Variants in ARHGEF15 observed in about 807,000 individuals in gnomAD.
The protein encoded by ARHGEF15 is Rho guanine nucleotide exchange factor 15, also known as Rho guanine nucleotide exchange factor (GEF) 15.
ARHGEF15 carries 58 observed loss-of-function variants against 79.7 expected under a neutral mutation model. The ratio of observed to expected loss-of-function variants is 0.73; its 90% CI spans 0.59 to 0.91. The LOEUF (loss-of-function observed/expected upper bound fraction) is 0.91. ARHGEF15 is among the 40% of genes least tolerant of loss of function. ARHGEF15 has a pLI of 0.00. For synonymous variants in ARHGEF15, 442 were observed against 456.0 expected (o/e 0.97, Z 0.39); for missense variants, 1,012 against 1,108.1 (o/e 0.91, Z 1.23).
Position 8,313,207 on chromosome 17 carries a change from C to T in ARHGEF15, c.887C>T (p.Pro296Leu), listed in dbSNP as rs1436984970. 27 of 1,607,240 alleles carry T rather than the reference C, an allele frequency of 1.7e-5. No individual in the cohort carries two copies. The highest frequency in any genetic ancestry group is 1.3e-4 in the African/African-American group (10 of 74,934). Residue 296 changes from proline to leucine, a missense_variant, in exon 3 of 16, where the codon CCC becomes CTC. By Grantham distance (98) the Pro-to-Leu change is moderately conservative (BLOSUM62 -3). Transcript: ENST00000361926. ...CAGGATGCCACCATTTTCGGGGACCCCCCACAGCCAGATCTTGATCTGCTT... is the reference window on the plus strand; with the variant it reads ...CAGGATGCCACCATTTTCGGGGACCTCCCACAGCCAGATCTTGATCTGCTT... ...VRQDATIFGD[P>L]PQPDLDLLSE...
Position 8,318,649 on chromosome 17 carries a change from T to G in ARHGEF15, c.1859T>G (p.Phe620Cys). ...ATCCGGCTCACCCAAAGGCTGCGCTTCCACAAAGTCAAGGTACATCGCTGC... is the reference window on the plus strand; with the variant it reads ...ATCCGGCTCACCCAAAGGCTGCGCTGCCACAAAGTCAAGGTACATCGCTGC... ...ELIRLTQRLRFHKVKALPLVS... is the reference protein window; with the variant it reads ...ELIRLTQRLRCHKVKALPLVS... The change falls in exon 11 of 16, where the codon TTC (phenylalanine) becomes TGC (cysteine). Residue 620 changes from phenylalanine to cysteine, a missense_variant. Phe to Cys is a radical substitution (Grantham distance 205). This residue lies in a region of ARHGEF15 where 818 missense variants were observed against 882.5 expected (regional missense o/e 0.93). Transcript: ENST00000361926. This position sits in a 1 kb window ranked among gnomAD's most constrained non-coding sequence, Gnocchi z 5.0. The G allele has an allele frequency of 6.2e-7, 1 of 1,613,376 alleles. No homozygotes were observed. The highest frequency in any genetic ancestry group is 8.5e-7 in the Non-Finnish European group (1 of 1,179,472).
intron 1 of ARHGEF15, among the ~76,000 whole-genome samples, chr17:8,311,653 A>C (rs1904624334): frequency 6.6e-6 from 1 of 151,362 alleles, no homozygotes. Flanking sequence ...GCTATCTCAG[A>C]CACTCACACC....
Position 8,321,079 on chromosome 17 carries a change from T to G in ARHGEF15, c.*86T>G, listed in dbSNP as rs1905360020. 2 of 1,557,026 alleles carry G rather than the reference T, an allele frequency of 1.3e-6. No homozygotes were observed. Among genetic ancestry groups the G allele is most frequent in the Admixed American group, 3.5e-5 (2 of 57,954 alleles). Reference sequence around the variant, plus strand: ...AAGCCCATTCATCCATTGGATTCACTGTCAGTGGAGATACTACCTCTCGTG... The same window carrying G: ...AAGCCCATTCATCCATTGGATTCACGGTCAGTGGAGATACTACCTCTCGTG... On this transcript the variant is annotated 3_prime_UTR_variant, in exon 16 of 16. Transcript: ENST00000361926.
At position 8,313,205 on chromosome 17, in the gene ARHGEF15, C is replaced by A. The variant is rs762424472; in HGVS notation, c.885C>A (p.Asp295Glu). The A allele has an allele frequency of 6.2e-7, 1 of 1,607,214 alleles. No homozygotes were observed. The change falls in exon 3 of 16, where the codon GAC (aspartate) becomes GAA (glutamate). Residue 295 changes from aspartate (D) to glutamate (E), a missense_variant. Physicochemically the swap from Asp to Glu is conservative, Grantham distance 45. Coordinates refer to ENST00000361926, the MANE Select transcript of ARHGEF15 (RefSeq NM_173728.4). ...GGCAGGATGCCACCATTTTCGGGGA[C>A]CCCCCACAGCCAGATCTTGATCTGC... Reference protein sequence around the residue: ...RVRQDATIFGDPPQPDLDLLS... With the variant: ...RVRQDATIFGEPPQPDLDLLS...
Position 8,312,540 on chromosome 17 carries a change from T to A in ARHGEF15, c.501T>A (p.Asp167Glu). The change falls in exon 2 of 16, where the codon GAT (aspartate) becomes GAA (glutamate). Residue 167 changes from aspartate to glutamate, a missense_variant. By Grantham distance (45) the Asp-to-Glu change is conservative. Coordinates refer to ENST00000361926, the MANE Select transcript of ARHGEF15 (RefSeq NM_173728.4). ...FEGGAEGRAQDADAPEPGLQA... is the reference protein window; with the variant it reads ...FEGGAEGRAQEADAPEPGLQA... ...GGGGTGCTGAAGGCCGGGCTCAGGATGCAGATGCCCCGGAGCCAGGTCTCC... is the reference window on the plus strand; with the variant it reads ...GGGGTGCTGAAGGCCGGGCTCAGGAAGCAGATGCCCCGGAGCCAGGTCTCC... The A allele has an allele frequency of 6.2e-7, 1 of 1,609,674 alleles. No individual in the cohort carries two copies. Among genetic ancestry groups the A allele is most frequent in the Non-Finnish European group, 8.5e-7 (1 of 1,177,654 alleles).
rs776630602 is a variant in ARHGEF15 at position 8,318,701 on chromosome 17, A to T, written c.1872+39A>T. Reference sequence around the variant, plus strand: ...CAGGCTCCCCATCTTGCCCTGCCCCATGTTGCTGCTGCCACGCTAGAACCT... The same window carrying T: ...CAGGCTCCCCATCTTGCCCTGCCCCTTGTTGCTGCTGCCACGCTAGAACCT... On this transcript the variant is annotated intron_variant, in intron 11 of 15. Coordinates refer to ENST00000361926, the MANE Select transcript of ARHGEF15 (RefSeq NM_173728.4). The surrounding 1 kb of genome is among the most constrained non-coding windows in gnomAD (Gnocchi z 5.0). 1.1e-5 allele frequency: 18 copies of T among 1,609,950 alleles called. No homozygotes were observed. Among genetic ancestry groups the T allele is most frequent in the Non-Finnish European group, 1.5e-5 (18 of 1,177,568 alleles).
chr17:8,312,252 GC>G lies in ARHGEF15; in HGVS notation c.218del (p.Pro73LeufsTer109). On this transcript the variant is annotated frameshift_variant, in exon 2 of 16. Transcript: ENST00000361926. LOFTEE classifies it high-confidence loss of function. ...FWEPPAASLKPPALLPPSASR... is the reference protein window; with the variant it reads ...FWEPPAASLKXPALLPPSASR... ...GGGAGCCCCCAGCTGCATCCCTCAA[GC>G]CCCCTGCTCTTTTGCCCCCCTCAGC... 6.6e-7 allele frequency: 1 copy of G among 1,518,098 alleles called. No homozygotes were observed. The highest frequency in any genetic ancestry group is 8.8e-7 in the Non-Finnish European group (1 of 1,135,152). The allele number at this position is 1,518,098 out of a possible 1,614,324, so 94.0% of individuals were successfully genotyped here. A position where few individuals can be genotyped will look rare whatever the true frequency, so the allele number is the denominator to read the frequency against.
chr17:8,319,634 A>G (rs773702839), intron 15 of ARHGEF15, 31 bp downstream of exon 15: 1 of 1,459,824 alleles, frequency 6.9e-7, no homozygotes, highest in Admixed American at 2.3e-5. Context: ...TTTATTTTGT[A>G]TTTATTATTA....
Position 8,315,442 on chromosome 17 carries a change from C to G in ARHGEF15, c.1289C>G (p.Ala430Gly), listed in dbSNP as rs761853392. Residue 430 changes from alanine (A) to glycine (G), a missense_variant, in exon 7 of 16, where the codon GCT (alanine) becomes GGT (glycine). Ala to Gly is a moderately conservative substitution (Grantham distance 60). This residue lies in a region of ARHGEF15 where 818 missense variants were observed against 882.5 expected (regional missense o/e 0.93). Coordinates refer to ENST00000361926, the MANE Select transcript of ARHGEF15 (RefSeq NM_173728.4). The surrounding 1 kb of genome is among the most constrained non-coding windows in gnomAD (Gnocchi z 4.3). ...ESLFEVVTSE[A>G]SYLRSLRLLT... ...CTTTTCGAGGTGGTGACGTCCGAGG[C>G]TTCCTACCTGCGCTCCCTGCGGCTG... is the stretch of plus-strand genomic sequence containing the variant. 6.2e-7 allele frequency: 1 copy of G among 1,613,956 alleles called. No individual in the cohort carries two copies. Among genetic ancestry groups the G allele is most frequent in the Non-Finnish European group, 8.5e-7 (1 of 1,180,014 alleles).
Position 8,315,555 on chromosome 17 carries a change from G to A in ARHGEF15, c.1402G>A (p.Val468Ile). 1 of 1,609,606 alleles carries A rather than the reference G, an allele frequency of 6.2e-7. No individual in the cohort carries two copies. ...HHTLFSNVQR[V>I]QGVSERFLAT... is the part of the protein sequence containing the mutation. ...CACACTCTTCTCCAATGTGCAGCGA[G>A]TCCAGGGAGTCAGCGAGCGGTCAGT... The change falls in exon 7 of 16, where the codon GTC becomes ATC. Residue 468 changes from valine to isoleucine, a missense_variant. Around this residue, in one of 3 missense-constraint regions of ARHGEF15, gnomAD observed 818 missense variants for 882.5 expected, o/e 0.93. Transcript: ENST00000361926. The surrounding 1 kb of genome is among the most constrained non-coding windows in gnomAD (Gnocchi z 4.3).
At chr17:8,314,876 G>A (rs1159868943) in intron 4 of ARHGEF15, 30 bp from the exon 5 acceptor site, 4 of 1,612,374 alleles carry the variant, frequency 2.5e-6, no homozygotes, top group African/African-American at 1.3e-5. Flanking sequence ...TGGTGGCCCT[G>A]GGGACTTCCT....
In ARHGEF15 at chr17:8,312,228, G is replaced by A; in HGVS notation, c.189G>A (p.Trp63Ter). 6.5e-7 allele frequency: 1 copy of A among 1,549,248 alleles called. No individual in the cohort carries two copies. The highest frequency in any genetic ancestry group is 8.7e-7 in the Non-Finnish European group (1 of 1,148,090). Residue 63 changes from tryptophan (W) to a stop codon, truncating the protein, a stop_gained, in exon 2 of 16, where the codon TGG becomes TGA. Coordinates refer to ENST00000361926, the MANE Select transcript of ARHGEF15 (RefSeq NM_173728.4). LOFTEE classifies it high-confidence loss of function. ...CCCCAATGTGCACCCCCATCTTCTG[G>A]GAGCCCCCAGCTGCATCCCTCAAGC... The part of the protein sequence containing the change: ...APTPMCTPIF[W>*]EPPAASLKPP...
At chr17:8,312,689 T>C (rs1041089036) in intron 2 of ARHGEF15, 49 bp downstream of exon 2, 2 of 1,609,816 alleles carry the variant, frequency 1.2e-6, no homozygotes, top group African/African-American at 2.7e-5. Flanking sequence ...CCACCCATCT[T>C]CTCCGTTTTC....
Position 8,312,286 on chromosome 17 carries a change from G to A in ARHGEF15, c.247G>A (p.Ala83Thr). ...TCTTTTGCCCCCCTCAGCTTCTAGA[G>A]CCAGCCTCGACTCCCAGACTTCCCC... Reference protein sequence around the residue: ...PALLPPSASRASLDSQTSPDS... With the variant: ...PALLPPSASRTSLDSQTSPDS... The change falls in exon 2 of 16, where the codon GCC (alanine) becomes ACC (threonine). Residue 83 changes from alanine (A) to threonine (T), a missense_variant. Ala to Thr is a moderately conservative substitution (Grantham distance 58, BLOSUM62 0). Around this residue, in one of 3 missense-constraint regions of ARHGEF15, gnomAD observed 818 missense variants for 882.5 expected, o/e 0.93. Coordinates refer to ENST00000361926, the MANE Select transcript of ARHGEF15 (RefSeq NM_173728.4). 1 of 1,556,844 alleles carries A rather than the reference G, an allele frequency of 6.4e-7. No individual in the cohort carries two copies. The highest frequency in any genetic ancestry group is 8.7e-7 in the Non-Finnish European group (1 of 1,153,668).
chr17:8,314,747 A>T (rs1400797790), intron 4 of ARHGEF15, 159 bp from the exon 5 acceptor site: 1 of 632,902 alleles, frequency 1.6e-6, no homozygotes, highest in Admixed American at 3.8e-5. Context: ...CCCTTCAAAA[A>T]AAAAAAAAAA....
Position 8,318,918 on chromosome 17 carries a change from C to T in ARHGEF15, c.2033+8C>T, listed in dbSNP as rs371763163. On this transcript the variant is annotated splice_region_variant and intron_variant, in intron 12 of 15. Coordinates refer to ENST00000361926, the MANE Select transcript of ARHGEF15 (RefSeq NM_173728.4). This position sits in a 1 kb window ranked among gnomAD's most constrained non-coding sequence, Gnocchi z 5.0. ...CATCACTCAGCCTAAGAGGTGAGTC[C>T]TAGGGAAGGAAGGAGCCCAGGCTGG... 57 of 1,610,988 alleles carry T rather than the reference C, an allele frequency of 3.5e-5. No homozygotes were observed. The African/African-American group carries it at 7.3e-4, about 21-fold the overall frequency.
chr17:8,312,986 G>A lies in ARHGEF15; in HGVS notation c.666G>A (p.Glu222=). The part of the protein sequence containing the change: ...CVCHTTRPGL[E]LRWVPVGGYE... Reference sequence around the variant, plus strand: ...GCCACACCACCCGGCCTGGCCTGGAGCTCAGATGGGTGCCTGTGGGGGGCT... The same window carrying A: ...GCCACACCACCCGGCCTGGCCTGGAACTCAGATGGGTGCCTGTGGGGGGCT... The change falls in exon 3 of 16, where the codon GAG becomes GAA. Residue 222 remains glutamate (E), a synonymous_variant. Coordinates refer to ENST00000361926, the MANE Select transcript of ARHGEF15 (RefSeq NM_173728.4). 6.2e-7 allele frequency: 1 copy of A among 1,608,106 alleles called. No individual in the cohort carries two copies. Among genetic ancestry groups the A allele is most frequent in the Non-Finnish European group, 8.5e-7 (1 of 1,176,656 alleles).
At position 8,316,069 on chromosome 17, in the gene ARHGEF15, C is replaced by G; in HGVS notation, c.1625C>G (p.Pro542Arg). The change falls in exon 9 of 16, where the codon CCT becomes CGT. Residue 542 changes from proline to arginine, a missense_variant. This residue lies in a region of ARHGEF15 where 818 missense variants were observed against 882.5 expected (regional missense o/e 0.93). Coordinates refer to ENST00000361926, the MANE Select transcript of ARHGEF15 (RefSeq NM_173728.4). ...SAELRRLQSL[P>R]KCERLPLPSF... ...GAGCTGCGCCGGCTGCAGAGCCTCC[C>G]TAAGTGTGAGCGGCTCCCGCTGCCG... 1.2e-6 allele frequency: 2 copies of G among 1,604,032 alleles called. No homozygotes were observed. Among genetic ancestry groups the G allele is most frequent in the Admixed American group, 1.7e-5 (1 of 59,838 alleles).
chr17:8,315,617 G>T lies in ARHGEF15; in HGVS notation c.1421+43G>T. On this transcript the variant is annotated intron_variant, in intron 7 of 15. Coordinates refer to ENST00000361926, the MANE Select transcript of ARHGEF15 (RefSeq NM_173728.4). The surrounding 1 kb of genome is among the most constrained non-coding windows in gnomAD (Gnocchi z 4.3). ...CTTCCAGGGAACCTGCCCTTAGGCT[G>T]CTGGGCACGCCCTTTCCTCTCTCCC... 6.2e-7 allele frequency: 1 copy of T among 1,602,978 alleles called. No homozygotes were observed. The highest frequency in any genetic ancestry group is 8.5e-7 in the Non-Finnish European group (1 of 1,178,612).
Sources: gnomAD v4.1 joint callset for allele counts (sites outside exome capture counted in the v4.1 genomes callset) on GRCh38, gnomAD v4.1.1 for gene constraint, gnomAD v4.1.1 regional missense constraint, Gnocchi (gnomAD v3.1) non-coding constraint, MANE v1.5 for transcripts, NCBI Gene and HGNC (gene_info 2026-07-23, HGNC 2026-07-21) for gene names.